The following ABCC4 variants were observed in gnomAD, a reference collection of about 807,000 sequenced individuals.
ABCC4 encodes the protein ATP binding cassette subfamily C member 4 (PEL blood group), also known as ATP-binding cassette sub-family C member 4.
ABCC4 carries 102 observed loss-of-function variants against 168.5 expected under a neutral mutation model. The observed-to-expected ratio is 0.61, with a 90% confidence interval of 0.52 to 0.71. The LOEUF is 0.71. Among genes scored for constraint, ABCC4 ranks in the 30% least tolerant of loss-of-function variants. ABCC4 has a pLI of 0.00. For synonymous variants in ABCC4, 617 were observed against 590.7 expected (o/e 1.04, Z -0.65); for missense variants, 1,402 against 1,605.8 (o/e 0.87, Z 2.17).
At chr13:95,137,859 T>C (rs2036190314) in intron 19 of ABCC4, among the ~76,000 whole-genome samples, 2 of 152,240 alleles carry the variant, frequency 1.3e-5, no homozygotes, top group South Asian at 4.1e-4. Context: ...TTTTTAACAT[T>C]GCTGGAATGC....
intron 14 of ABCC4, among the ~76,000 whole-genome samples, chr13:95,169,358 G>T (rs550699196): frequency 9.9e-5 from 15 of 152,248 alleles, no homozygotes; most frequent in African/African-American, 3.6e-4. Context: ...ACAACAAAGA[G>T]GATCTCTTAA....
chr13:95,269,452 T>C (rs1409551095), intron 1 of ABCC4: 3 of 160,126 alleles, frequency 1.9e-5, no homozygotes, highest in Non-Finnish European at 3.9e-5. Flanking sequence ...TATATATATA[T>C]ATATATACAC....
At chr13:95,165,139 G>A (rs1014576185) in intron 15 of ABCC4, among the ~76,000 whole-genome samples, 13 of 152,164 alleles carry the variant, frequency 8.5e-5, no homozygotes, top group African/African-American at 3.1e-4. Flanking sequence ...CCAAATTCAA[G>A]TGTCAATACA....
At chr13:95,139,021 G>A (rs2036229851) in intron 19 of ABCC4, among the ~76,000 whole-genome samples, 1 of 152,154 alleles carries the variant, frequency 6.6e-6, no homozygotes, top group Non-Finnish European at 1.5e-5. Context: ...CTGTACTCCC[G>A]TGGCCCCTGG....
chr13:95,254,661 C>G lies in ABCC4; in HGVS notation c.75-6908G>C, dbSNP rs139591395. 4.6e-5 allele frequency among the ~76,000 whole-genome samples: 7 copies of G among 152,348 alleles called. No individual in the cohort carries two copies. In the East Asian group the frequency reaches 1.3e-3, roughly 29 times the overall value. On this transcript the variant is annotated intron_variant, in intron 1 of 30. Coordinates refer to ENST00000645237, the MANE Select transcript of ABCC4 (RefSeq NM_005845.5). ...TTTGTCACTCTTTGATAGGACACAT[C>G]TAAGCCATCCAAGTCCTATTACTTC...
At chr13:95,200,718 TCAAAACAAAA>T (rs559882439) in intron 8 of ABCC4, among the ~76,000 whole-genome samples, 3 of 151,984 alleles carry the variant, frequency 2.0e-5, no homozygotes, top group Admixed American at 6.6e-5. Context: ...AGACGCCGTC[TCAAAACAAAA>T]CAAAACAAAA....
At chr13:95,278,439 C>T (rs956050221) in intron 1 of ABCC4, among the ~76,000 whole-genome samples, 4 of 152,026 alleles carry the variant, frequency 2.6e-5, no homozygotes, top group Admixed American at 6.5e-5. Flanking sequence ...ATGACTGAAA[C>T]GGCAGAGGTC....
rs764204412 is a variant in ABCC4, at chr13:95,209,421, G to C, written c.785+13C>G. ...AATACATATGACATTTTTCACAGCA[G>C]TATTTCTCTTACCTCAGTGATGAGA... On this transcript the variant is annotated intron_variant, in intron 6 of 30. Coordinates refer to ENST00000645237, the MANE Select transcript of ABCC4 (RefSeq NM_005845.5). 12 of 1,612,650 alleles carry C rather than the reference G, an allele frequency of 7.4e-6. No homozygotes were observed. In the South Asian group the frequency reaches 1.1e-4, roughly 15 times the overall value.
At chr13:95,068,188 C>T (rs569127491) in intron 25 of ABCC4, among the ~76,000 whole-genome samples, 1 of 152,308 alleles carries the variant, frequency 6.6e-6, no homozygotes, top group African/African-American at 2.4e-5. Context: ...AAAGGGACTG[C>T]CTGAGATCCT....
At chr13:95,035,425 C>T (rs1283617877) in intron 29 of ABCC4, among the ~76,000 whole-genome samples, 1 of 152,164 alleles carries the variant, frequency 6.6e-6, no homozygotes, top group Non-Finnish European at 1.5e-5. Context: ...GCTCTCTGCA[C>T]AGAAGAAATC....
intron 4 of ABCC4, among the ~76,000 whole-genome samples, chr13:95,227,405 G>A (rs960372015): frequency 2.8e-5 from 4 of 144,966 alleles, no homozygotes; most frequent in African/African-American, 9.7e-5. Context: ...AAACTGTGGG[G>A]GAGAAAAGTT....
intron 1 of ABCC4, among the ~76,000 whole-genome samples, chr13:95,254,867 T>A (rs2040355602): frequency 6.6e-6 from 1 of 152,194 alleles, no homozygotes. Context: ...GGGGTTTTTC[T>A]GTGTTGTTTG....
chr13:95,072,422 T>A (rs1178150191), intron 24 of ABCC4, among the ~76,000 whole-genome samples: 3 of 152,142 alleles, frequency 2.0e-5, no homozygotes, highest in South Asian at 2.1e-4. Context: ...GATCGCACTA[T>A]TGCACTCCAG....
chr13:95,106,081 A>C, intron 20 of ABCC4, among the ~76,000 whole-genome samples: 1 of 152,128 alleles, frequency 6.6e-6, no homozygotes, highest in East Asian at 1.9e-4. Context: ...AAATTACAAG[A>C]TGAGCTGCCA....
At position 95,172,553 on chromosome 13, in the gene ABCC4, G is replaced by A. The variant is rs142145414; in HGVS notation, c.1728-1925C>T. ...TGCACTCCAGCCTGGGCAACAGAGC[G>A]AGACTCTGCCTCAAAAAGGAAAAAA... is the stretch of plus-strand genomic sequence containing the variant. On this transcript the variant is annotated intron_variant, in intron 13 of 30. Coordinates refer to ENST00000645237, the MANE Select transcript of ABCC4 (RefSeq NM_005845.5). 4.3e-3 allele frequency among the ~76,000 whole-genome samples: 622 copies of A among 144,718 alleles called. 5 individuals are homozygous for A. Among genetic ancestry groups the A allele is most frequent in the African/African-American group, 0.014 (563 of 39,174 alleles). The allele number at this position is 144,718 out of a possible 152,430, so 94.9% of individuals were successfully genotyped here.
Position 95,020,420 on chromosome 13 carries a change from A to G in ABCC4, c.*1155T>C, listed in dbSNP as rs754875816. ...ACAGCCACCATCATCAGGAAAAATT[A>G]AAGACTCATAGTTCAAATAAAGTAC... On this transcript the variant is annotated 3_prime_UTR_variant, in exon 31 of 31. Transcript: ENST00000645237. 6.6e-6 allele frequency: 1 copy of G among 152,478 alleles called. No homozygotes were observed. The highest frequency in any genetic ancestry group is 1.5e-5 in the Non-Finnish European group (1 of 68,040). The allele number at this position is 152,478 out of a possible 1,614,324, so 9.4% of individuals were successfully genotyped here. A position where few individuals can be genotyped will look rare whatever the true frequency, so the allele number is the denominator to read the frequency against.
chr13:95,275,770 T>A (rs1279593299), intron 1 of ABCC4, among the ~76,000 whole-genome samples: 13 of 138,954 alleles, frequency 9.4e-5, no homozygotes, highest in Non-Finnish European at 1.7e-4. Context: ...AAAAATCAAG[T>A]AACAAAGAAC....
chr13:95,142,137 T>C (rs2036338213), intron 19 of ABCC4, among the ~76,000 whole-genome samples: 1 of 152,202 alleles, frequency 6.6e-6, no homozygotes, highest in Non-Finnish European at 1.5e-5. Flanking sequence ...TGCATGTGCC[T>C]GTTTATAGCA....
In ABCC4 at chr13:95,230,333, TAAAC is replaced by T. The variant is rs540287058; in HGVS notation, c.531+4273_531+4276del. Among the ~76,000 whole-genome samples the T allele has an allele frequency of 3.4e-3, 518 of 152,322 alleles. 3 individuals are homozygous for T. The highest frequency in any genetic ancestry group is 6.1e-3 in the Admixed American group (93 of 15,298). On this transcript the variant is annotated intron_variant, in intron 4 of 30. Coordinates refer to ENST00000645237, the MANE Select transcript of ABCC4 (RefSeq NM_005845.5). ...AAAACATCTCATTTAGTTCTCAAGT[TAAAC>T]AGACAAATTATTAAAGAATAAGTGG...
Sources: gnomAD v4.1 joint callset for allele counts (sites outside exome capture counted in the v4.1 genomes callset) on GRCh38, gnomAD v4.1.1 for gene constraint, MANE v1.5 for transcripts, NCBI Gene and HGNC (gene_info 2026-07-23, HGNC 2026-07-21) for gene names.